PPP1R12C: variants seen among roughly 807,000 people sequenced by gnomAD.
PPP1R12C encodes leukocyte receptor cluster (LRC) encoded novel gene 3.
Under a neutral mutation model 95.6 loss-of-function variants are expected in PPP1R12C, and 48 were observed. That is an observed-to-expected ratio of 0.50 (90% CI 0.40 to 0.64). PPP1R12C has a LOEUF of 0.64. Among genes scored for constraint, PPP1R12C ranks in the 30% least tolerant of loss-of-function variants. The probability of loss-of-function intolerance (pLI) is 0.00; values close to 1 mark genes in which losing one functional copy is unlikely to be tolerated. For missense variants in PPP1R12C, 1,057 were observed against 1,083.3 expected (o/e 0.98, Z 0.34); for synonymous variants, 480 against 460.8 (o/e 1.04, Z -0.53).
intron 11 of PPP1R12C, 149 bp downstream of exon 11, chr19:55,095,142 G>C (rs1422742731): frequency 1.1e-6 from 1 of 913,476 alleles, no homozygotes; most frequent in Admixed American, 2.1e-5. Flanking sequence ...GGGAGGGAGA[G>C]AGCCCCCAAG....
rs2084951822 is a variant in PPP1R12C at position 55,098,921 on chromosome 19, C to T, written c.876+30G>A. The T allele has an allele frequency of 3.1e-6, 5 of 1,603,164 alleles. No individual in the cohort carries two copies. In the South Asian group the frequency reaches 3.3e-5, roughly 11 times the overall value. ...GGTGCTGGGCCCTCCCCACGCCCTG[C>T]CCCTCACCAGCCTGGGCACTGGCCC... On this transcript the variant is annotated intron_variant, in intron 5 of 21. Coordinates refer to ENST00000263433, the MANE Select transcript of PPP1R12C (RefSeq NM_017607.4).
intron 3 of PPP1R12C, among the ~76,000 whole-genome samples, chr19:55,108,848 AG>A (rs1486723965): frequency 1.3e-5 from 2 of 152,178 alleles, no homozygotes; most frequent in African/African-American, 4.8e-5. Flanking sequence ...CTGAGGTTAC[AG>A]GGATGTGCCA....
chr19:55,092,096 C>T (rs984537156), intron 19 of PPP1R12C, 126 bp downstream of exon 19: 7 of 1,099,000 alleles, frequency 6.4e-6, no homozygotes, highest in African/African-American at 1.6e-5. Flanking sequence ...TCCGAGATCT[C>T]GGCCCCGCCC....
At chr19:55,098,374 T>G (rs1821130416) in intron 6 of PPP1R12C, among the ~76,000 whole-genome samples, 3 of 152,196 alleles carry the variant, frequency 2.0e-5, no homozygotes, top group Non-Finnish European at 4.4e-5. Context: ...CTTCACTCCT[T>G]CACTCTAAGT....
intron 16 of PPP1R12C, 34 bp from the exon 17 acceptor site, chr19:55,092,696 G>A: frequency 2.0e-6 from 3 of 1,531,154 alleles, no homozygotes; most frequent in Non-Finnish European, 2.6e-6. Flanking sequence ...CAATGGGTAT[G>A]GGAGGGACTT....
chr19:55,102,702 T>C (rs192692037), intron 4 of PPP1R12C, among the ~76,000 whole-genome samples: 28 of 152,210 alleles, frequency 1.8e-4, no homozygotes, highest in Non-Finnish European at 2.6e-4. Context: ...GCACTACAAA[T>C]AAAACAGCAT....
In PPP1R12C at chr19:55,117,597, ACCACCCGC is replaced by A. The variant is rs1019515126; in HGVS notation, c.-62_-55del. On this transcript the variant is annotated 5_prime_UTR_variant, in exon 1 of 22. Transcript: ENST00000263433. The stretch of plus-strand genomic sequence containing the variant: ...CGAGCGCCGAGCCCCAACCGCCGCC[ACCACCCGC>A]CCGCCCGCCCGCCCCGGGGGCCGCC... 6.4e-6 allele frequency: 6 copies of A among 931,710 alleles called. No individual in the cohort carries two copies. Among genetic ancestry groups the A allele is most frequent in the South Asian group, 5.0e-5 (1 of 20,140 alleles). The allele number at this position is 931,710 out of a possible 1,614,324, so 57.7% of individuals were successfully genotyped here.
chr19:55,112,594 G>A lies in PPP1R12C; in HGVS notation c.453-9C>T. On this transcript the variant is annotated splice_polypyrimidine_tract_variant and intron_variant, in intron 2 of 21. Coordinates refer to ENST00000263433, the MANE Select transcript of PPP1R12C (RefSeq NM_017607.4). ...CGTGGCTCAGGAGGTACCTGGGGGT[G>A]GGGGCTGGTCAGGGCTGAGGGTCCA... 4 of 1,613,090 alleles carry A rather than the reference G, an allele frequency of 2.5e-6. No homozygotes were observed. Among genetic ancestry groups the A allele is most frequent in the Non-Finnish European group, 3.4e-6 (4 of 1,179,544 alleles).
rs759038069 is a variant in PPP1R12C, at chr19:55,112,788, A to G, written c.329T>C (p.Ile110Thr). 6.2e-7 allele frequency: 1 copy of G among 1,612,234 alleles called. No individual in the cohort carries two copies. The highest frequency in any genetic ancestry group is 8.5e-7 in the Non-Finnish European group (1 of 1,179,788). ...DGISALHQAC[I>T]DENLEVVRFL... ...GCGCACCACCTCCAGGTTCTCATCA[A>G]TGCAGGCCTGGGGGTGGGAAACAGC... is the stretch of plus-strand genomic sequence containing the variant. The change falls in exon 2 of 22, where the codon ATT becomes ACT. Residue 110 changes from isoleucine to threonine, a missense_variant. This residue lies in a region of PPP1R12C where 282 missense variants were observed against 380.4 expected (regional missense o/e 0.74). Coordinates refer to ENST00000263433, the MANE Select transcript of PPP1R12C (RefSeq NM_017607.4).
At position 55,094,759 on chromosome 19, in the gene PPP1R12C, G is replaced by A. The variant is rs1334751303; in HGVS notation, c.1494C>T (p.Ser498=). The change falls in exon 12 of 22, where the codon TCC becomes TCT. Residue 498 remains serine (S), a synonymous_variant. Transcript: ENST00000263433. The stretch of plus-strand genomic sequence containing the variant: ...GCTCCGGAATCCTGGAGGGAGGCGA[G>A]GAGTTCTCCAAGCAAGGAGGAGGCT... The part of the protein sequence containing the change: ...VTKPPPCLEN[S]SPPSRIPEPE... 1.2e-6 allele frequency: 2 copies of A among 1,606,680 alleles called. No individual in the cohort carries two copies. Among genetic ancestry groups the A allele is most frequent in the African/African-American group, 1.3e-5 (1 of 75,010 alleles).
At chr19:55,096,010 C>A in intron 8 of PPP1R12C, 41 bp downstream of exon 8, 1 of 1,607,802 alleles carries the variant, frequency 6.2e-7, no homozygotes. Flanking sequence ...AACCCGACCC[C>A]TCCTCCCTCG....
chr19:55,094,586 C>G, intron 12 of PPP1R12C, 75 bp downstream of exon 12: 4 of 1,525,210 alleles, frequency 2.6e-6, no homozygotes, highest in Non-Finnish European at 3.5e-6. Context: ...CCACCCAAAG[C>G]CCCGGGACTC....
At chr19:55,092,036 G>A (rs1257782003) in intron 19 of PPP1R12C, 127 bp from the exon 20 acceptor site, 14 of 1,273,240 alleles carry the variant, frequency 1.1e-5, no homozygotes, top group African/African-American at 1.5e-5. Context: ...CACGGGCCAG[G>A]CCCCGCCACC....
intron 21 of PPP1R12C, 28 bp downstream of exon 21, chr19:55,091,622 C>T: frequency 1.2e-6 from 2 of 1,605,544 alleles, no homozygotes; most frequent in Non-Finnish European, 1.7e-6. Flanking sequence ...ACCCTCGGCC[C>T]TCTGCCCACA....
At chr19:55,096,816 CCG>C (rs375061961) in intron 6 of PPP1R12C, 305 of 246,014 alleles carry the variant, frequency 1.2e-3, no homozygotes, top group Admixed American at 1.6e-3. Context: ...CACCCCTTCC[CCG>C]CGCAGTTCAC....
At chr19:55,092,590 C>T (rs1165266762) in intron 17 of PPP1R12C, 32 bp downstream of exon 17, 2 of 1,552,606 alleles carry the variant, frequency 1.3e-6, no homozygotes, top group Non-Finnish European at 8.7e-7. Context: ...CCGGCCCGCA[C>T]GCAGACCCCA....
intron 1 of PPP1R12C, among the ~76,000 whole-genome samples, chr19:55,116,391 G>C (rs947777989): frequency 6.6e-6 from 1 of 152,122 alleles, no homozygotes; most frequent in South Asian, 2.1e-4. Context: ...AAGTGCTCCG[G>C]AAAGAGCATC....
At chr19:55,102,360 G>A (rs184742310) in intron 4 of PPP1R12C, among the ~76,000 whole-genome samples, 31 of 152,174 alleles carry the variant, frequency 2.0e-4, no homozygotes, top group Admixed American at 4.6e-4. Flanking sequence ...CTAGAAATAC[G>A]AGTTAGCCAA....
intron 19 of PPP1R12C, 23 bp downstream of exon 19, chr19:55,092,199 G>A: frequency 1.5e-5 from 23 of 1,539,946 alleles, no homozygotes; most frequent in Non-Finnish European, 1.7e-5. Context: ...CAGTTCCCGT[G>A]ACCCTGGCCT....
Sources: gnomAD v4.1 joint callset for allele counts (sites outside exome capture counted in the v4.1 genomes callset) on GRCh38, gnomAD v4.1.1 for gene constraint, gnomAD v4.1.1 regional missense constraint, MANE v1.5 for transcripts, NCBI Gene and HGNC (gene_info 2026-07-23, HGNC 2026-07-21) for gene names.